The following CDH2 variants were observed in gnomAD, a reference collection of about 807,000 sequenced individuals.
CDH2 encodes the protein cadherin-2.
CDH2 carries 17 observed loss-of-function variants against 92.0 expected under a neutral mutation model. That is an observed-to-expected ratio of 0.18 (90% CI 0.13 to 0.28). The LOEUF is 0.28. Among genes scored for constraint, CDH2 ranks in the 10% least tolerant of loss-of-function variants. The pLI is 1.00. For missense variants in CDH2, 862 were observed against 1,133.1 expected (o/e 0.76, Z 3.44); for synonymous variants, 419 against 415.9 (o/e 1.01, Z -0.09).
At chr18:27,982,626 A>C (rs2012091585) in intron 14 of CDH2, among the ~76,000 whole-genome samples, 1 of 152,182 alleles carries the variant, frequency 6.6e-6, no homozygotes, top group East Asian at 1.9e-4. Context: ...CCAAAGTAGA[A>C]GATGCTTTTA....
At chr18:28,025,384 G>A (rs1013720871) in intron 2 of CDH2, among the ~76,000 whole-genome samples, 14 of 151,812 alleles carry the variant, frequency 9.2e-5, no homozygotes, top group African/African-American at 2.2e-4. Flanking sequence ...CAGGCGTGGC[G>A]GTGTACACCT....
chr18:27,966,044 TCACACTAAAAAATAAAA>T (rs2011527916), intron 14 of CDH2, among the ~76,000 whole-genome samples: 4 of 150,160 alleles, frequency 2.7e-5, no homozygotes, highest in African/African-American at 9.8e-5. Flanking sequence ...TTTAATGCTT[TCACACTAAAAAATAAAA>T]TATGTTTTTT....
intron 2 of CDH2, among the ~76,000 whole-genome samples, chr18:28,081,644 T>C (rs1232813562): frequency 6.6e-6 from 1 of 152,202 alleles, no homozygotes; most frequent in African/African-American, 2.4e-5. Flanking sequence ...CACTTATGTG[T>C]AACAATGCTT....
At chr18:28,138,642 A>G (rs2015902798) in intron 2 of CDH2, among the ~76,000 whole-genome samples, 1 of 152,108 alleles carries the variant, frequency 6.6e-6, no homozygotes, top group African/African-American at 2.4e-5. Context: ...CTGGAACATA[A>G]GTTCCTACTA....
intron 2 of CDH2, among the ~76,000 whole-genome samples, chr18:28,077,665 C>A (rs1446943965): frequency 6.6e-6 from 1 of 151,766 alleles, no homozygotes; most frequent in South Asian, 2.1e-4. Context: ...CTGAGGCAGG[C>A]GGAACACTTG....
intron 2 of CDH2, among the ~76,000 whole-genome samples, chr18:28,025,894 A>G (rs1456365202): frequency 6.6e-6 from 1 of 152,156 alleles, no homozygotes; most frequent in Non-Finnish European, 1.5e-5. Context: ...TTTATTGTAA[A>G]AAGTCTTCAC....
At chr18:28,160,840 AG>A (rs1458124954) in intron 1 of CDH2, among the ~76,000 whole-genome samples, 1 of 152,196 alleles carries the variant, frequency 6.6e-6, no homozygotes, top group Admixed American at 6.5e-5. Flanking sequence ...GAGGTTGTTT[AG>A]CACTTCCTAT....
intron 2 of CDH2, among the ~76,000 whole-genome samples, chr18:28,038,758 C>G (rs1298233779): frequency 6.6e-6 from 1 of 151,996 alleles, no homozygotes; most frequent in Non-Finnish European, 1.5e-5. Context: ...GTGTTTTCTC[C>G]TTATTGAATT....
rs190071108 is a variant in CDH2 at position 27,990,159 on chromosome 18, G to A, written c.1536C>T (p.Ala512=). The change falls in exon 10 of 16, where the codon GCC becomes GCT. Residue 512 remains alanine (A), a synonymous_variant. Transcript: ENST00000269141. ...KIIRQEEGLH[A]GTMLTTFTAQ... is the part of the protein sequence containing the mutation. ...CAGTGAATGTTGTCAACATGGTACC[G>A]GCATGAAGCCCTTCTTCTTGGCGAA... is the stretch of plus-strand genomic sequence containing the variant. The A allele has an allele frequency of 1.3e-4, 206 of 1,613,924 alleles. No homozygotes were observed. The East Asian group carries it at 2.2e-3, about 17-fold the overall frequency.
At chr18:27,949,663 A>T (rs1195314322), downstream of CDH2, among the ~76,000 whole-genome samples, 1 of 151,978 alleles carries the variant, frequency 6.6e-6, no homozygotes, top group Non-Finnish European at 1.5e-5. Flanking sequence ...GTGTGTGTAA[A>T]AATGCTTTTT....
chr18:28,094,775 C>CA (rs1185598885), intron 2 of CDH2, among the ~76,000 whole-genome samples: 1 of 112,530 alleles, frequency 8.9e-6, no homozygotes, highest in Admixed American at 1.3e-4. Context: ...GCCTGGGCGA[C>CA]AGAGTGAGAC....
intron 2 of CDH2, among the ~76,000 whole-genome samples, chr18:28,082,320 A>G (rs2014846620): frequency 6.6e-6 from 1 of 152,070 alleles, no homozygotes; most frequent in Non-Finnish European, 1.5e-5. Flanking sequence ...CTGAGGTGGG[A>G]GGATCACTTG....
intron 14 of CDH2, among the ~76,000 whole-genome samples, chr18:27,980,711 T>C (rs948607356): frequency 1.0e-4 from 15 of 146,418 alleles, no homozygotes; most frequent in African/African-American, 3.8e-4. Flanking sequence ...CAGAGTACGA[T>C]ACAGATAGAA....
chr18:28,117,296 T>C (rs2015511009), intron 2 of CDH2, among the ~76,000 whole-genome samples: 1 of 152,052 alleles, frequency 6.6e-6, no homozygotes, highest in South Asian at 2.1e-4. Flanking sequence ...TGCAGGGGAA[T>C]ATGGCTAAAG....
intron 2 of CDH2, among the ~76,000 whole-genome samples, chr18:28,104,916 T>C (rs931904488): frequency 4.6e-5 from 7 of 152,034 alleles, no homozygotes; most frequent in Non-Finnish European, 8.8e-5. Context: ...CATAATGAAA[T>C]ACATGTAAAA....
intron 15 of CDH2, among the ~76,000 whole-genome samples, chr18:27,958,073 C>T (rs545089789): frequency 1.4e-4 from 22 of 152,180 alleles, no homozygotes; most frequent in Admixed American, 9.8e-4. Flanking sequence ...TTAGTTCTCA[C>T]GCAATCTTAA....
chr18:28,054,612 G>C (rs1384441144), intron 2 of CDH2, among the ~76,000 whole-genome samples: 1 of 152,136 alleles, frequency 6.6e-6, no homozygotes, highest in East Asian at 1.9e-4. Flanking sequence ...CCATTAGAAA[G>C]GATATTGTCC....
chr18:28,118,102 G>GT (rs35084872), intron 2 of CDH2, among the ~76,000 whole-genome samples: 188 of 146,884 alleles, frequency 1.3e-3, no homozygotes, highest in South Asian at 5.2e-3. Context: ...GCTGAGTTCT[G>GT]TTTTTTTTTT....
intron 2 of CDH2, among the ~76,000 whole-genome samples, chr18:28,056,315 AC>A (rs1438638356): frequency 6.6e-6 from 1 of 152,124 alleles, no homozygotes; most frequent in African/African-American, 2.4e-5. Context: ...CTGATGCAAA[AC>A]TAGAACTTGG....
Sources: gnomAD v4.1 joint callset for allele counts (sites outside exome capture counted in the v4.1 genomes callset) on GRCh38, gnomAD v4.1.1 for gene constraint, MANE v1.5 for transcripts, NCBI Gene and HGNC (gene_info 2026-07-23, HGNC 2026-07-21) for gene names.